Variants in APOBEC3G observed in about 807,000 individuals in gnomAD.
APOBEC3G encodes apolipoprotein B mRNA editing enzyme catalytic subunit 3G, also known as DNA dC->dU-editing enzyme APOBEC-3G.
In APOBEC3G, 44 loss-of-function variants were observed where a neutral mutation model predicts 50.0. The observed-to-expected ratio is 0.88, with a 90% CI of 0.69 to 1.13. APOBEC3G has a LOEUF of 1.13. Ranked by LOEUF, APOBEC3G falls within the 50% of genes most tolerant of loss-of-function variation. The pLI, the probability that APOBEC3G is intolerant of heterozygous loss-of-function variation, is 0.00. For missense variants in APOBEC3G, 469 were observed against 492.0 expected, an observed-to-expected ratio of 0.95 and a Z score of 0.44; for synonymous variants, 156 against 175.3, an observed-to-expected ratio of 0.89 and a Z score of 0.87.
chr22:39,077,241 A>G (rs1045489276), upstream of APOBEC3G: 64 of 1,530,574 alleles, frequency 4.2e-5, no homozygotes, highest in African/African-American at 5.4e-4. Context: ...GGGAGGGGCC[A>G]TGACTACGAG....
Position 39,078,991 on chromosome 22 carries a change from T to C in APOBEC3G, c.77T>C (p.Ile26Thr). 6.2e-7 allele frequency: 1 copy of C among 1,614,166 alleles called. No homozygotes were observed. The highest frequency in any genetic ancestry group is 8.5e-7 in the Non-Finnish European group (1 of 1,180,030). ...TCCTACAACTTTTATAATAGACCCATCCTTTCTCGTCGGAATACCGTCTGG... is the reference window on the plus strand; with the variant it reads ...TCCTACAACTTTTATAATAGACCCACCCTTTCTCGTCGGAATACCGTCTGG... ...TFSYNFYNRP[I>T]LSRRNTVWLC... is the part of the protein sequence containing the mutation. Residue 26 changes from isoleucine (I) to threonine (T), a missense_variant, in exon 2 of 8, where the codon ATC becomes ACC. Physicochemically the swap from Ile to Thr is moderately conservative, Grantham distance 89. Transcript: ENST00000407997.
chr22:39,087,303 T>C, intron 7 of APOBEC3G, 104 bp from the exon 8 acceptor site: 6 of 1,598,046 alleles, frequency 3.8e-6, no homozygotes, highest in Admixed American at 1.7e-5. Flanking sequence ...ACCTCCCACA[T>C]CCCTCCCTCC....
At chr22:39,084,881 C>T (rs1334067791) in intron 5 of APOBEC3G, among the ~76,000 whole-genome samples, 1 of 152,240 alleles carries the variant, frequency 6.6e-6, no homozygotes, top group East Asian at 1.9e-4. Flanking sequence ...AGCACAGCCC[C>T]TGGCTGGAGA....
chr22:39,078,775 C>T (rs542665790), intron 1 of APOBEC3G, 157 bp from the exon 2 acceptor site: 93 of 1,009,976 alleles, frequency 9.2e-5, no homozygotes, highest in Admixed American at 1.6e-4. Flanking sequence ...TGTAGTGGCG[C>T]GATCTTGGCT....
At chr22:39,080,461 T>G in intron 2 of APOBEC3G, 1 of 167,282 alleles carries the variant, frequency 6.0e-6, no homozygotes, top group Non-Finnish European at 1.3e-5. Context: ...CCAGCAACTT[T>G]CCAGGGCCTG....
At chr22:39,085,166 C>T (rs1928638846) in intron 5 of APOBEC3G, among the ~76,000 whole-genome samples, 2 of 152,336 alleles carry the variant, frequency 1.3e-5, no homozygotes, top group Admixed American at 6.5e-5. Context: ...AAAACACCAT[C>T]ATTCCTTGGG....
chr22:39,081,710 C>A lies in APOBEC3G; in HGVS notation c.581+125C>A, dbSNP rs977126350. ...GGCCCTCCTGCCTTCCCTCCTGCCC[C>A]CTGCCTGCCCTCGTGGTTACACTCC... On this transcript the variant is annotated intron_variant, in intron 4 of 7. Transcript: ENST00000407997. The A allele has an allele frequency of 5.5e-6, 4 of 727,536 alleles. No homozygotes were observed. The East Asian group carries it at 7.8e-5, about 14-fold the overall frequency. The allele number at this position is 727,536 out of a possible 1,614,324, so 45.1% of individuals were successfully genotyped here.
At chr22:39,081,675 C>T (rs1928467058) in intron 4 of APOBEC3G, 90 bp downstream of exon 4, 10 of 1,092,196 alleles carry the variant, frequency 9.2e-6, no homozygotes, top group East Asian at 2.4e-5. Flanking sequence ...ACCAGGTCCT[C>T]TCCTGGCCAG....
intron 4 of APOBEC3G, 125 bp downstream of exon 4, chr22:39,081,710 C>CG (rs1255437042): frequency 1.1e-5 from 8 of 727,538 alleles, no homozygotes; most frequent in Non-Finnish European, 1.9e-5. Context: ...CCTCCTGCCC[C>CG]CTGCCTGCCC....
At chr22:39,077,917 G>A (rs1345808786) in intron 1 of APOBEC3G, among the ~76,000 whole-genome samples, 2 of 152,140 alleles carry the variant, frequency 1.3e-5, no homozygotes, top group Non-Finnish European at 2.9e-5. Context: ...CCAAACACAC[G>A]CTCCTCCTCC....
Position 39,081,134 on chromosome 22 carries a change from T to C in APOBEC3G, c.373T>C (p.Tyr125His), listed in dbSNP as rs777989736. The C allele has an allele frequency of 6.2e-7, 1 of 1,614,250 alleles. No homozygotes were observed. Among genetic ancestry groups the C allele is most frequent in the Non-Finnish European group, 8.5e-7 (1 of 1,180,044 alleles). The change falls in exon 3 of 8, where the codon TAC (tyrosine) becomes CAC (histidine). Residue 125 changes from tyrosine (Y) to histidine (H), a missense_variant. Physicochemically the swap from Tyr to His is moderately conservative, Grantham distance 83. Coordinates refer to ENST00000407997, the MANE Select transcript of APOBEC3G (RefSeq NM_021822.4). ...GACCATCTTTGTTGCCCGCCTCTACTACTTCTGGGACCCAGATTACCAGGA... is the reference window on the plus strand; with the variant it reads ...GACCATCTTTGTTGCCCGCCTCTACCACTTCTGGGACCCAGATTACCAGGA... ...TLTIFVARLY[Y>H]FWDPDYQEAL...
In APOBEC3G at chr22:39,086,487, A is replaced by G; in HGVS notation, c.944A>G (p.Tyr315Cys). ...VSLCIFTARI[Y>C]DDQGRCQEGL... is the part of the protein sequence containing the mutation. The stretch of plus-strand genomic sequence containing the variant: ...CTGTGCATCTTCACTGCCCGCATCT[A>G]TGATGATCAAGGAAGATGTCAGGAG... The change falls in exon 6 of 8, where the codon TAT becomes TGT. Residue 315 changes from tyrosine to cysteine, a missense_variant. Physicochemically the swap from Tyr to Cys is radical, Grantham distance 194 (BLOSUM62 -2). Transcript: ENST00000407997. The G allele has an allele frequency of 1.9e-6, 3 of 1,614,144 alleles. No homozygotes were observed. The highest frequency in any genetic ancestry group is 1.7e-5 in the Admixed American group (1 of 60,008).
Position 39,086,383 on chromosome 22 carries a change from C to T in APOBEC3G, c.840C>T (p.Thr280=). The T allele has an allele frequency of 1.2e-6, 2 of 1,614,190 alleles. No individual in the cohort carries two copies. The highest frequency in any genetic ancestry group is 8.5e-7 in the Non-Finnish European group (1 of 1,180,030). ...ACCTGGACCAGGACTACAGGGTTAC[C>T]TGCTTCACCTCCTGGAGCCCCTGCT... ...KLDLDQDYRV[T]CFTSWSPCFS... is the part of the protein sequence containing the mutation. Residue 280 remains threonine, a synonymous_variant, in exon 6 of 8, where the codon ACC becomes ACT. Coordinates refer to ENST00000407997, the MANE Select transcript of APOBEC3G (RefSeq NM_021822.4).
At position 39,078,708 on chromosome 22, in the gene APOBEC3G, GTC is replaced by G. The variant is rs60565586; in HGVS notation, c.18-212_18-211del. The G allele has an allele frequency of 2.2e-4, 123 of 565,978 alleles. 1 individual carries two copies. Among genetic ancestry groups the G allele is most frequent in the South Asian group, 6.5e-4 (24 of 36,926 alleles). The allele number at this position is 565,978 out of a possible 1,614,324, so 35.1% of individuals were successfully genotyped here. ...ATTTTGGGGTGAAGAGTTTTATTCTGTCTCTCTCTCTCTTTTTTTTTGAGACG... is the reference window on the plus strand; with the variant it reads ...ATTTTGGGGTGAAGAGTTTTATTCTGTCTCTCTCTCTTTTTTTTTGAGACG... On this transcript the variant is annotated intron_variant, in intron 1 of 7. Transcript: ENST00000407997.
chr22:39,083,711 G>T lies in APOBEC3G; in HGVS notation c.582-20G>T. Reference sequence around the variant, plus strand: ...ACCAGGAGGGCTCTTACTCCTCTGGGCTTTTCCCCCACTTTCCAGACACTC... The same window carrying T: ...ACCAGGAGGGCTCTTACTCCTCTGGTCTTTTCCCCCACTTTCCAGACACTC... On this transcript the variant is annotated intron_variant, in intron 4 of 7. Transcript: ENST00000407997. 1 of 1,612,450 alleles carries T rather than the reference G, an allele frequency of 6.2e-7. No homozygotes were observed. The highest frequency in any genetic ancestry group is 8.5e-7 in the Non-Finnish European group (1 of 1,179,004).
chr22:39,079,091 A>T lies in APOBEC3G; in HGVS notation c.171+6A>T, dbSNP rs752412655. On this transcript the variant is annotated splice_donor_region_variant and intron_variant, in intron 2 of 7. Coordinates refer to ENST00000407997, the MANE Select transcript of APOBEC3G (RefSeq NM_021822.4). The stretch of plus-strand genomic sequence containing the variant: ...CAAAGATCTTTCGAGGCCAGGTACC[A>T]CCCGGACTCCAATCACTTTGCAGGC... The T allele has an allele frequency of 1.9e-6, 3 of 1,613,850 alleles. No individual in the cohort carries two copies. Among genetic ancestry groups the T allele is most frequent in the Non-Finnish European group, 2.5e-6 (3 of 1,179,910 alleles).
At chr22:39,082,759 C>G (rs979189018) in intron 4 of APOBEC3G, 1 of 141,606 alleles carries the variant, frequency 7.1e-6, no homozygotes, top group Admixed American at 6.9e-5. Context: ...TCATTGTGGG[C>G]GGGCCTGGGT....
At chr22:39,085,627 C>T (rs1928658221) in intron 5 of APOBEC3G, among the ~76,000 whole-genome samples, 1 of 152,170 alleles carries the variant, frequency 6.6e-6, no homozygotes, top group Non-Finnish European at 1.5e-5. Flanking sequence ...TGGCTCATGC[C>T]TGTAGTCTCA....
intron 2 of APOBEC3G, chr22:39,080,218 G>A: frequency 1.3e-6 from 1 of 799,248 alleles, no homozygotes; most frequent in Non-Finnish European, 1.6e-6. Context: ...ACCCTAGAGG[G>A]CCAGGCCACA....
Sources: gnomAD v4.1 joint callset for allele counts (sites outside exome capture counted in the v4.1 genomes callset) on GRCh38, gnomAD v4.1.1 for gene constraint, MANE v1.5 for transcripts, NCBI Gene and HGNC (gene_info 2026-07-23, HGNC 2026-07-21) for gene names.